The following KPNA6 variants were observed in gnomAD, a reference collection of about 807,000 sequenced individuals.
The protein encoded by KPNA6 is karyopherin subunit alpha 6.
In KPNA6, 9 loss-of-function variants were observed where a neutral mutation model predicts 72.0. That is an observed-to-expected ratio of 0.13 (90% CI 0.08 to 0.22). KPNA6 has a LOEUF of 0.22. KPNA6 is among the 10% of genes least tolerant of loss of function. The pLI, the probability that KPNA6 is intolerant of heterozygous loss-of-function variation, is 1.00. For missense variants in KPNA6, 374 were observed against 655.7 expected (o/e 0.57, Z 4.69); for synonymous variants, 219 against 242.1 (o/e 0.90, Z 0.89).
chr1:32,109,937 G>A (rs1028689498), intron 1 of KPNA6, among the ~76,000 whole-genome samples: 6 of 151,936 alleles, frequency 3.9e-5, no homozygotes, highest in Admixed American at 6.6e-5. Context: ...TTACAAGCGT[G>A]AGCCACCATG....
chr1:32,162,393 A>G lies in KPNA6; in HGVS notation c.780A>G (p.Leu260=). ...VSPCLPVLSR[L]LFSSDSDLLA... Reference sequence around the variant, plus strand: ...CTTGTTTGCCTGTACTGTCTCGCCTACTCTTCAGCAGCGACTCGGACTTGC... The same window carrying G: ...CTTGTTTGCCTGTACTGTCTCGCCTGCTCTTCAGCAGCGACTCGGACTTGC... The change falls in exon 9 of 14, where the codon CTA becomes CTG. Residue 260 remains leucine (L), a synonymous_variant. Coordinates refer to ENST00000373625, the MANE Select transcript of KPNA6 (RefSeq NM_012316.5). The G allele has an allele frequency of 5.0e-6, 8 of 1,611,340 alleles. No homozygotes were observed. Among genetic ancestry groups the G allele is most frequent in the Non-Finnish European group, 6.8e-6 (8 of 1,178,842 alleles).
chr1:32,126,617 T>C (rs1366437782), intron 1 of KPNA6, among the ~76,000 whole-genome samples: 1 of 152,062 alleles, frequency 6.6e-6, no homozygotes. Flanking sequence ...ACCCTTGACC[T>C]CAGGTGATCC....
chr1:32,169,056 TAGAG>T (rs1225573627), intron 12 of KPNA6, among the ~76,000 whole-genome samples: 1 of 151,698 alleles, frequency 6.6e-6, no homozygotes, highest in Admixed American at 6.6e-5. Context: ...GGTAGAGAGA[TAGAG>T]AAAGGATAAG....
At chr1:32,114,227 G>C (rs1641289046) in intron 1 of KPNA6, among the ~76,000 whole-genome samples, 2 of 151,970 alleles carry the variant, frequency 1.3e-5, no homozygotes, top group Admixed American at 1.3e-4. Flanking sequence ...ACCACTTGAG[G>C]TCAGGAGTTC....
chr1:32,172,086 A>C lies in KPNA6; in HGVS notation c.*1192A>C, dbSNP rs574618934. On this transcript the variant is annotated 3_prime_UTR_variant, in exon 14 of 14. Transcript: ENST00000373625. ...TTATATTCTATATATTAGGTAGGTC[A>C]ATCTTAATTGGTCTCAAGAGGAAGA... The C allele has an allele frequency of 4.6e-5, 7 of 152,258 alleles. 1 individual carries two copies. The South Asian group carries it at 1.5e-3, about 32-fold the overall frequency. The allele number at this position is 152,258 out of a possible 1,614,324, so 9.4% of individuals were successfully genotyped here. A position where few individuals can be genotyped will look rare whatever the true frequency, so the allele number is the denominator to read the frequency against.
chr1:32,158,624 TATTA>T (rs1570059959), intron 5 of KPNA6, among the ~76,000 whole-genome samples: 1 of 152,192 alleles, frequency 6.6e-6, no homozygotes, highest in Admixed American at 6.5e-5. Context: ...TAGTAGGTCT[TATTA>T]ATTCTTTCTG....
chr1:32,113,445 T>C (rs1007944250), intron 1 of KPNA6, among the ~76,000 whole-genome samples: 1 of 152,094 alleles, frequency 6.6e-6, no homozygotes, highest in African/African-American at 2.4e-5. Flanking sequence ...TATGTATGTA[T>C]GTATATATGT....
intron 1 of KPNA6, among the ~76,000 whole-genome samples, chr1:32,153,944 T>C (rs1642086276): frequency 6.6e-6 from 1 of 151,936 alleles, no homozygotes; most frequent in Admixed American, 6.5e-5. Context: ...GTCAGGAGTT[T>C]GAGACCAGCC....
chr1:32,173,269 A>G lies in KPNA6; in HGVS notation c.*2375A>G, dbSNP rs989308741. On this transcript the variant is annotated 3_prime_UTR_variant, in exon 14 of 14. Transcript: ENST00000373625. ...TAGTAGGATCTACTTTGTACATCTC[A>G]AGTAAGAGTTAAGTCCCTGATACAG... The G allele has an allele frequency of 4.8e-5, 19 of 394,100 alleles. 1 individual carries two copies. The highest frequency in any genetic ancestry group is 1.4e-4 in the South Asian group (1 of 7,132). The allele number at this position is 394,100 out of a possible 1,614,324, so 24.4% of individuals were successfully genotyped here.
intron 1 of KPNA6, among the ~76,000 whole-genome samples, chr1:32,146,120 T>C (rs201663162): frequency 6.6e-6 from 1 of 152,214 alleles, no homozygotes; most frequent in Non-Finnish European, 1.5e-5. Context: ...AGGTCTACTT[T>C]ATAATTTTGT....
chr1:32,140,971 A>G (rs577312303), intron 1 of KPNA6, among the ~76,000 whole-genome samples: 3 of 152,310 alleles, frequency 2.0e-5, no homozygotes, highest in Admixed American at 6.5e-5. Flanking sequence ...TATTGTGTCT[A>G]TCACTTGTGT....
chr1:32,113,062 A>C (rs560755250), intron 1 of KPNA6, among the ~76,000 whole-genome samples: 7 of 152,156 alleles, frequency 4.6e-5, no homozygotes, highest in Non-Finnish European at 8.8e-5. Flanking sequence ...AGTACTCTCA[A>C]ACCCTGCCAC....
intron 1 of KPNA6, among the ~76,000 whole-genome samples, chr1:32,135,759 T>C (rs1436992931): frequency 6.6e-6 from 1 of 151,396 alleles, no homozygotes; most frequent in Non-Finnish European, 1.5e-5. Context: ...TTAGCTGCCA[T>C]GCCTGGCCAT....
chr1:32,141,088 C>G (rs552456589), intron 1 of KPNA6, among the ~76,000 whole-genome samples: 1 of 152,118 alleles, frequency 6.6e-6, no homozygotes, highest in South Asian at 2.1e-4. Context: ...ACATGTACTT[C>G]AGGTTTGTGG....
At chr1:32,143,024 G>A (rs1641866827) in intron 1 of KPNA6, 1 of 1,282,976 alleles carries the variant, frequency 7.8e-7, no homozygotes, top group South Asian at 1.2e-5. Context: ...CTATGTGTCA[G>A]GTAATAGGGG....
chr1:32,161,303 C>A (rs1385253280), intron 7 of KPNA6, among the ~76,000 whole-genome samples: 1 of 152,312 alleles, frequency 6.6e-6, no homozygotes, highest in Non-Finnish European at 1.5e-5. Flanking sequence ...AAAAATCCAA[C>A]CTTCTCTACA....
At chr1:32,109,540 A>G (rs1301286470) in intron 1 of KPNA6, among the ~76,000 whole-genome samples, 1 of 151,362 alleles carries the variant, frequency 6.6e-6, no homozygotes, top group East Asian at 1.9e-4. Context: ...AGAAAAGGGG[A>G]AAAAAGCTTT....
Position 32,108,062 on chromosome 1 carries a change from T to C in KPNA6, c.-69T>C. Reference sequence around the variant, plus strand: ...GCCGTCCTACAGATCCGCCATATTGTCTACTGAAAGCTGCCGCTGAAGCTG... The same window carrying C: ...GCCGTCCTACAGATCCGCCATATTGCCTACTGAAAGCTGCCGCTGAAGCTG... On this transcript the variant is annotated 5_prime_UTR_variant, in exon 1 of 14. Transcript: ENST00000373625. The C allele has an allele frequency of 1.9e-6, 3 of 1,612,414 alleles. No homozygotes were observed. Among genetic ancestry groups the C allele is most frequent in the Non-Finnish European group, 2.5e-6 (3 of 1,178,816 alleles).
At chr1:32,118,669 G>A (rs1641369239) in intron 1 of KPNA6, among the ~76,000 whole-genome samples, 1 of 151,860 alleles carries the variant, frequency 6.6e-6, no homozygotes, top group Admixed American at 6.6e-5. Flanking sequence ...GGATGTGCCT[G>A]TACTCCCAGC....
Sources: gnomAD v4.1 joint callset for allele counts (sites outside exome capture counted in the v4.1 genomes callset) on GRCh38, gnomAD v4.1.1 for gene constraint, MANE v1.5 for transcripts, NCBI Gene and HGNC (gene_info 2026-07-23, HGNC 2026-07-21) for gene names.